The following CRACDL variants were observed in gnomAD, a reference collection of about 807,000 sequenced individuals.
The protein encoded by CRACDL is CRACD-like protein.
In CRACDL, 26 loss-of-function variants were observed where a neutral mutation model predicts 70.6. The observed-to-expected ratio is 0.37, with a 90% CI of 0.27 to 0.51. CRACDL has a LOEUF of 0.51. CRACDL is among the 20% of genes least tolerant of loss of function. The pLI, the probability that CRACDL is intolerant of heterozygous loss-of-function variation, is 0.94. For missense variants in CRACDL, 1,283 were observed against 1,376.9 expected (o/e 0.93, Z 1.08); for synonymous variants, 618 against 615.2 (o/e 1.00, Z -0.07).
intron 1 of CRACDL, among the ~76,000 whole-genome samples, chr2:98,886,501 C>A (rs1484219395): frequency 6.6e-6 from 1 of 152,200 alleles, no homozygotes; most frequent in Non-Finnish European, 1.5e-5. Flanking sequence ...GCTCTCAAGG[C>A]TGATCTTGAG....
intron 2 of CRACDL, among the ~76,000 whole-genome samples, chr2:98,839,699 T>C (rs1705936919): frequency 6.6e-6 from 1 of 152,248 alleles, no homozygotes; most frequent in South Asian, 2.1e-4. Context: ...ATTTCTTTAA[T>C]GGTGACAGGA....
intron 1 of CRACDL, among the ~76,000 whole-genome samples, chr2:98,902,429 C>T (rs375602203): frequency 5.3e-5 from 8 of 152,134 alleles, no homozygotes; most frequent in Non-Finnish European, 7.4e-5. Context: ...ACTCCAGCCA[C>T]GCCAGCAAAT....
chr2:98,798,215 C>A (rs1703915599), intron 7 of CRACDL, among the ~76,000 whole-genome samples: 1 of 152,090 alleles, frequency 6.6e-6, no homozygotes, highest in Non-Finnish European at 1.5e-5. Context: ...CATGGTGGCA[C>A]ATGCCTGTAG....
rs1043022174 is a variant in CRACDL at position 98,846,795 on chromosome 2, A to C, written c.6T>G (p.Ile2Met). M[I>M]STRVMDIKLR... ...GCTTAATGTCCATCACCCTTGTGGA[A>C]ATCATGTCAAGCTCGCTGAAATTAT... The change falls in exon 2 of 10, where the codon ATT (isoleucine) becomes ATG (methionine). Residue 2 changes from isoleucine to methionine, a missense_variant. Coordinates refer to ENST00000397899, the MANE Select transcript of CRACDL (RefSeq NM_207362.3). 2 of 1,614,066 alleles carry C rather than the reference A, an allele frequency of 1.2e-6. No homozygotes were observed. The highest frequency in any genetic ancestry group is 1.7e-6 in the Non-Finnish European group (2 of 1,179,880).
At position 98,795,183 on chromosome 2, in the gene CRACDL, C is replaced by T. The variant is rs528314564; in HGVS notation, c.2750-512G>A. On this transcript the variant is annotated intron_variant, in intron 9 of 9. Transcript: ENST00000397899. Reference sequence around the variant, plus strand: ...CTCTGCCTCCCGGGTTCAAGCGATTCTCCTGCCTCAGCCTCCCAAATAGCT... The same window carrying T: ...CTCTGCCTCCCGGGTTCAAGCGATTTTCCTGCCTCAGCCTCCCAAATAGCT... Among the ~76,000 whole-genome samples the T allele has an allele frequency of 4.0e-5, 6 of 148,990 alleles. No individual in the cohort carries two copies. The South Asian group carries it at 1.3e-3, about 32-fold the overall frequency.
At chr2:98,796,376 G>C in intron 8 of CRACDL, 112 bp from the exon 9 acceptor site, 1 of 1,124,872 alleles carries the variant, frequency 8.9e-7, no homozygotes. Flanking sequence ...TGCACTGCTG[G>C]CACTTTCTCG....
chr2:98,933,652 G>A (rs1709138347), intron 1 of CRACDL, among the ~76,000 whole-genome samples: 1 of 152,090 alleles, frequency 6.6e-6, no homozygotes, highest in East Asian at 1.9e-4. Context: ...AAGGCACGGA[G>A]CCAGCCTGCA....
At chr2:98,870,846 C>T (rs1037727209) in intron 1 of CRACDL, among the ~76,000 whole-genome samples, 5 of 152,220 alleles carry the variant, frequency 3.3e-5, no homozygotes, top group African/African-American at 1.2e-4. Flanking sequence ...AGCACTCTGT[C>T]CCCGTGGAAG....
intron 3 of CRACDL, among the ~76,000 whole-genome samples, chr2:98,837,084 CAAAA>C (rs35180684): frequency 8.4e-6 from 1 of 118,612 alleles, no homozygotes; most frequent in Non-Finnish European, 1.8e-5. Context: ...GACTCCGTCT[CAAAA>C]AAAAAAAAAA....
At chr2:98,898,836 G>A (rs938740613) in intron 1 of CRACDL, among the ~76,000 whole-genome samples, 6 of 152,212 alleles carry the variant, frequency 3.9e-5, no homozygotes, top group Middle Eastern at 3.2e-3. Flanking sequence ...AATAGCAAGA[G>A]CCTATTTCAA....
At chr2:98,925,299 C>A (rs1030845429) in intron 1 of CRACDL, among the ~76,000 whole-genome samples, 1 of 152,324 alleles carries the variant, frequency 6.6e-6, no homozygotes, top group Middle Eastern at 3.4e-3. Context: ...AGAGTGTTCA[C>A]CTGCATTAAG....
At chr2:98,810,785 G>A (rs921967483) in intron 7 of CRACDL, among the ~76,000 whole-genome samples, 1 of 152,278 alleles carries the variant, frequency 6.6e-6, no homozygotes, top group Admixed American at 6.5e-5. Context: ...ATCTATCATA[G>A]AGAAACAACC....
At chr2:98,873,348 C>T (rs763654828) in intron 1 of CRACDL, among the ~76,000 whole-genome samples, 1 of 152,222 alleles carries the variant, frequency 6.6e-6, no homozygotes, top group Non-Finnish European at 1.5e-5. Context: ...TGAGAGCAAC[C>T]AAGCTGCCCA....
intron 1 of CRACDL, among the ~76,000 whole-genome samples, chr2:98,920,285 GTAT>G (rs1234456090): frequency 6.6e-6 from 1 of 152,084 alleles, no homozygotes; most frequent in Admixed American, 6.5e-5. Context: ...TGGTTCCTGG[GTAT>G]TCCATCTTTG....
intron 4 of CRACDL, 31 bp from the exon 5 acceptor site, chr2:98,832,543 T>C (rs749895918): frequency 1.3e-6 from 2 of 1,520,224 alleles, no homozygotes; most frequent in East Asian, 2.3e-5. Context: ...TGTGCTCTTA[T>C]TTTCATCAAT....
intron 1 of CRACDL, among the ~76,000 whole-genome samples, chr2:98,868,839 G>T (rs537497254): frequency 7.2e-5 from 11 of 152,090 alleles, no homozygotes; most frequent in African/African-American, 2.4e-4. Context: ...GAATATGCGT[G>T]TGTGTCATAA....
intron 1 of CRACDL, among the ~76,000 whole-genome samples, chr2:98,849,029 C>T (rs146300831): frequency 0.019 from 2,848 of 152,332 alleles, 92 homozygotes; most frequent in African/African-American, 0.064. Flanking sequence ...ATGAGACCCA[C>T]GTGGTTCCCA....
At chr2:98,897,422 G>A (rs1337841477) in intron 1 of CRACDL, 2 of 1,302,592 alleles carry the variant, frequency 1.5e-6, no homozygotes, top group East Asian at 1.1e-4. Context: ...AGTCACAGGT[G>A]TCCTTATCTC....
In CRACDL at chr2:98,844,093, T is replaced by G. The variant is rs1575378803; in HGVS notation, c.70+2638A>C. Among the ~76,000 whole-genome samples, 3 of 152,210 alleles carry G rather than the reference T, an allele frequency of 2.0e-5. No individual in the cohort carries two copies. The South Asian group carries it at 6.2e-4, about 31-fold the overall frequency. On this transcript the variant is annotated intron_variant, in intron 2 of 9. Coordinates refer to ENST00000397899, the MANE Select transcript of CRACDL (RefSeq NM_207362.3). ...TTGTCAGTATTCTTGCTACAGAATA[T>G]TGAGCTAACTGTATGTCTGTCTTCC... is the stretch of plus-strand genomic sequence containing the variant.
Sources: allele counts gnomAD v4.1 joint callset (sites outside exome capture counted in the v4.1 genomes callset), GRCh38; gene constraint gnomAD v4.1.1; transcripts MANE v1.5; gene names NCBI Gene and HGNC (gene_info 2026-07-23, HGNC 2026-07-21).